The following NOL4L variants were observed in gnomAD, a reference collection of about 807,000 sequenced individuals.
NOL4L encodes nucleolar protein 4 like, also known as nucleolar protein 4-like.
NOL4L carries 7 observed loss-of-function variants against 64.5 expected under a neutral mutation model. That is an observed-to-expected ratio of 0.11 (90% CI 0.06 to 0.20). The LOEUF (loss-of-function observed/expected upper bound fraction) is 0.20. NOL4L is among the 10% of genes least tolerant of loss of function. The pLI, the probability that NOL4L is intolerant of heterozygous loss-of-function variation, is 1.00. For missense variants in NOL4L, 680 were observed against 967.1 expected (o/e 0.70, Z 3.94); for synonymous variants, 413 against 401.0 (o/e 1.03, Z -0.36).
rs370815412 is a variant in NOL4L, at chr20:32,447,819, G to A, written c.1823-3C>T. 6.5e-7 allele frequency: 1 copy of A among 1,546,778 alleles called. No homozygotes were observed. Among genetic ancestry groups the A allele is most frequent in the African/African-American group, 1.4e-5 (1 of 73,100 alleles). The stretch of plus-strand genomic sequence containing the variant: ...TTTCATGCTGAGGTCCGTGGGCCCT[G>A]TGGAGAGGGAAGTAGGGTGAGAAGG... On this transcript the variant is annotated splice_polypyrimidine_tract_variant and splice_region_variant and intron_variant, in intron 10 of 10. Coordinates refer to ENST00000621426, the MANE Select transcript of NOL4L (RefSeq NM_001256798.2).
At chr20:32,472,967 C>T (rs1445176699) in intron 5 of NOL4L, among the ~76,000 whole-genome samples, 1 of 152,212 alleles carries the variant, frequency 6.6e-6, no homozygotes, top group Admixed American at 6.5e-5. Flanking sequence ...CCAGGCCAGC[C>T]AGCCTCTGGG....
rs1471790449 is a variant in NOL4L at position 32,456,265 on chromosome 20, G to A, written c.972C>T (p.Phe324=). Residue 324 remains phenylalanine (F), a synonymous_variant, in exon 6 of 11, where the codon TTC becomes TTT. Transcript: ENST00000621426. ...NGNGAVAPMD[F]TTAAEDQPIN... ...TGGGCTGATCCTCGGCGGCCGTGGT[G>A]AAGTCCATGGGGGCCACGGCGCCGT... The A allele has an allele frequency of 1.9e-6, 3 of 1,603,454 alleles. No homozygotes were observed. The highest frequency in any genetic ancestry group is 2.2e-5 in the South Asian group (2 of 89,368).
In NOL4L at chr20:32,536,355, G is replaced by T. The variant is rs755496831; in HGVS notation, c.322-8442C>A. 807 of 982,022 alleles carry T rather than the reference G, an allele frequency of 8.2e-4. 2 individuals carry two copies. The highest frequency in any genetic ancestry group is 9.4e-4 in the Non-Finnish European group (776 of 827,072). The allele number at this position is 982,022 out of a possible 1,614,324, so 60.8% of individuals were successfully genotyped here. Reference sequence around the variant, plus strand: ...CTAACGAGCGGAGAGCCCCAGGTGCGGGCCCCACCCAGGGCCGGGGGAAGA... The same window carrying T: ...CTAACGAGCGGAGAGCCCCAGGTGCTGGCCCCACCCAGGGCCGGGGGAAGA... On this transcript the variant is annotated intron_variant, in intron 1 of 10. Coordinates refer to ENST00000621426, the MANE Select transcript of NOL4L (RefSeq NM_001256798.2).
At position 32,552,645 on chromosome 20, in the gene NOL4L, C is replaced by T. The variant is rs1252367235; in HGVS notation, c.322-24732G>A. Among the ~76,000 whole-genome samples, 5 of 151,728 alleles carry T rather than the reference C, an allele frequency of 3.3e-5. No homozygotes were observed. In the East Asian group the frequency reaches 9.7e-4, roughly 29 times the overall value. ...GAGGTTGCAGTGAGCCAAGATCATG[C>T]CACTGCACTCCAGCCTGGGCGACAA... On this transcript the variant is annotated intron_variant, in intron 1 of 10. Transcript: ENST00000621426.
At chr20:32,466,389 C>T (rs1320241980) in intron 5 of NOL4L, among the ~76,000 whole-genome samples, 4 of 152,208 alleles carry the variant, frequency 2.6e-5, no homozygotes, top group Admixed American at 6.5e-5. Context: ...AGGGATCTCT[C>T]GGTGCTGTCT....
intron 4 of NOL4L, among the ~76,000 whole-genome samples, chr20:32,487,935 T>TA (rs2016160846): frequency 3.5e-5 from 3 of 86,210 alleles, no homozygotes. Flanking sequence ...GTTGGTTTTA[T>TA]TTTTTTTTTT....
intron 1 of NOL4L, among the ~76,000 whole-genome samples, chr20:32,581,507 A>G (rs1980471468): frequency 6.6e-6 from 1 of 152,128 alleles, no homozygotes; most frequent in South Asian, 2.1e-4. Context: ...AGGGAGGCCC[A>G]GGGTGGGGGC....
intron 1 of NOL4L, among the ~76,000 whole-genome samples, chr20:32,566,839 T>A (rs948632900): frequency 7.2e-5 from 11 of 152,186 alleles, no homozygotes; most frequent in South Asian, 2.1e-4. Context: ...GGCCTGTTCC[T>A]TGTTTATTGG....
intron 5 of NOL4L, among the ~76,000 whole-genome samples, chr20:32,461,056 C>T (rs1327910925): frequency 3.9e-5 from 6 of 152,230 alleles, no homozygotes; most frequent in African/African-American, 1.4e-4. Context: ...GGGGCGAGGG[C>T]TGAAGCCTCA....
chr20:32,488,827 T>TTCTCTTTC lies in NOL4L; in HGVS notation c.700-14086_700-14085insGAAAGAGA, dbSNP rs11483298. Among the ~76,000 whole-genome samples the TTCTCTTTC allele has an allele frequency of 5.1e-3, 168 of 33,146 alleles. 12 individuals are homozygous for TTCTCTTTC. The highest frequency in any genetic ancestry group is 0.016 in the South Asian group (20 of 1,232). 21.7% of individuals were successfully genotyped at this position (33,146 alleles called of 152,430 possible). ...TCTTTTTCTTTCTTTCTTTCTTTCT[T>TTCTCTTTC]TTTCTTTCTTTCTTTCTTTCTTTCT... is the stretch of plus-strand genomic sequence containing the variant. On this transcript the variant is annotated intron_variant, in intron 4 of 10. Transcript: ENST00000621426.
At chr20:32,579,079 G>T (rs960110124) in intron 1 of NOL4L, among the ~76,000 whole-genome samples, 1 of 152,152 alleles carries the variant, frequency 6.6e-6, no homozygotes, top group Non-Finnish European at 1.5e-5. Flanking sequence ...GATGATGGAG[G>T]ACATCCCAAC....
intron 4 of NOL4L, among the ~76,000 whole-genome samples, chr20:32,493,112 C>T (rs774712635): frequency 4.6e-5 from 7 of 152,202 alleles, no homozygotes; most frequent in Non-Finnish European, 8.8e-5. Context: ...TCCATACAAG[C>T]CTTGGAAGGA....
intron 4 of NOL4L, among the ~76,000 whole-genome samples, chr20:32,484,900 G>A (rs2015989351): frequency 6.6e-6 from 1 of 151,156 alleles, no homozygotes; most frequent in Admixed American, 6.6e-5. Flanking sequence ...TCACCAAACC[G>A]CAGAATTAGA....
rs150191537 is a variant in NOL4L, at chr20:32,528,846, C to T, written c.322-933G>A. ...GCTCCTTCAGGGGAGTCTGTGGGGA[C>T]GTTAGGGGGCTTTGAAGATCAAGAG... On this transcript the variant is annotated intron_variant, in intron 1 of 10. Transcript: ENST00000621426. 7.2e-3 allele frequency among the ~76,000 whole-genome samples: 1,093 copies of T among 152,188 alleles called. 11 individuals carry two copies. Among genetic ancestry groups the T allele is most frequent in the African/African-American group, 0.025 (1,055 of 41,536 alleles).
chr20:32,512,719 A>T (rs1030531631), intron 3 of NOL4L, among the ~76,000 whole-genome samples: 2 of 151,916 alleles, frequency 1.3e-5, no homozygotes, highest in Non-Finnish European at 2.9e-5. Flanking sequence ...ACATTTTGTC[A>T]TAGGTATTTT....
intron 4 of NOL4L, among the ~76,000 whole-genome samples, chr20:32,488,137 C>T (rs892050534): frequency 3.3e-5 from 5 of 152,102 alleles, no homozygotes; most frequent in African/African-American, 1.2e-4. Context: ...ACCATGTTGT[C>T]CAGGCTGGTC....
At chr20:32,514,402 G>A (rs1479901878) in intron 3 of NOL4L, among the ~76,000 whole-genome samples, 1 of 152,000 alleles carries the variant, frequency 6.6e-6, no homozygotes, top group Non-Finnish European at 1.5e-5. Flanking sequence ...TGAGGCAGGA[G>A]AATCACTGGA....
chr20:32,497,326 C>T (rs1376437930), intron 4 of NOL4L, among the ~76,000 whole-genome samples: 4 of 149,984 alleles, frequency 2.7e-5, no homozygotes, highest in Admixed American at 2.0e-4. Flanking sequence ...GAAAAGGACC[C>T]ATCAGGCTGA....
At chr20:32,498,901 T>A (rs2145533142) in intron 4 of NOL4L, among the ~76,000 whole-genome samples, 1 of 151,968 alleles carries the variant, frequency 6.6e-6, no homozygotes, top group African/African-American at 2.4e-5. Context: ...TGAGGCAGAG[T>A]CTTGGTCTTG....
Sources: allele counts gnomAD v4.1 joint callset (sites outside exome capture counted in the v4.1 genomes callset), GRCh38; gene constraint gnomAD v4.1.1; transcripts MANE v1.5; gene names NCBI Gene and HGNC (gene_info 2026-07-23, HGNC 2026-07-21).